MON2: variants seen among roughly 807,000 people sequenced by gnomAD.
MON2 encodes the protein MON2 regulator of endosome-to-Golgi trafficking.
MON2 carries 84 observed loss-of-function variants against 208.6 expected under a neutral mutation model. The ratio of observed to expected loss-of-function variants is 0.40; its 90% CI spans 0.34 to 0.48. The LOEUF (loss-of-function observed/expected upper bound fraction) is 0.48, where lower values mean the gene tolerates loss of function less well. MON2 is among the 20% of genes least tolerant of loss of function. The pLI is 0.59. For synonymous variants in MON2, 660 were observed against 694.0 expected (o/e 0.95, Z 0.77); for missense variants, 1,611 against 2,015.4 (o/e 0.80, Z 3.84).
intron 14 of MON2, among the ~76,000 whole-genome samples, chr12:62,536,278 A>G (rs1367081078): frequency 6.6e-6 from 1 of 152,214 alleles, no homozygotes; most frequent in African/African-American, 2.4e-5. Context: ...CTTAGGTTAA[A>G]CTTACATTCA....
chr12:62,471,907 G>A (rs1395093080), intron 1 of MON2, among the ~76,000 whole-genome samples: 1 of 152,218 alleles, frequency 6.6e-6, no homozygotes, highest in Non-Finnish European at 1.5e-5. Context: ...TGACAAATTT[G>A]ACAGAAGGGA....
chr12:62,540,960 G>T (rs1325626699), intron 19 of MON2, among the ~76,000 whole-genome samples: 1 of 152,200 alleles, frequency 6.6e-6, no homozygotes, highest in Admixed American at 6.5e-5. Flanking sequence ...TTCTGAGTGA[G>T]TTAAATATTC....
chr12:62,565,883 C>A, intron 27 of MON2, 131 bp from the exon 28 acceptor site: 1 of 745,030 alleles, frequency 1.3e-6, no homozygotes, highest in Non-Finnish European at 2.1e-6. Context: ...AAGTAAATTT[C>A]TGAATGCATG....
At chr12:62,504,797 C>A (rs547301150) in intron 7 of MON2, among the ~76,000 whole-genome samples, 1 of 152,168 alleles carries the variant, frequency 6.6e-6, no homozygotes. Flanking sequence ...GTGGCACTTA[C>A]AATTCTAATG....
chr12:62,598,314 T>C lies in MON2; in HGVS notation c.*5565T>C, dbSNP rs1445047303. On this transcript the variant is annotated 3_prime_UTR_variant, in exon 35 of 35. Transcript: ENST00000393630. ...GCGAATGTAGTTACACTAAGTTTTATTTTAAACTAAAATTCAATAAACAGT... is the reference window on the plus strand; with the variant it reads ...GCGAATGTAGTTACACTAAGTTTTACTTTAAACTAAAATTCAATAAACAGT... The C allele has an allele frequency of 1.3e-5, 2 of 152,214 alleles. No homozygotes were observed. Among genetic ancestry groups the C allele is most frequent in the Non-Finnish European group, 2.9e-5 (2 of 68,042 alleles). 9.4% of individuals were successfully genotyped at this position (152,214 alleles called of 1,614,324 possible).
intron 1 of MON2, among the ~76,000 whole-genome samples, chr12:62,483,813 G>T (rs1264354534): frequency 2.0e-5 from 3 of 152,170 alleles, no homozygotes; most frequent in African/African-American, 7.2e-5. Context: ...GGCTTGAAAT[G>T]GGGAAAAGGA....
At chr12:62,574,799 G>C (rs1316491948) in intron 30 of MON2, among the ~76,000 whole-genome samples, 1 of 152,018 alleles carries the variant, frequency 6.6e-6, no homozygotes, top group East Asian at 1.9e-4. Context: ...ATCGTGAGCT[G>C]GTCCTTTCCC....
chr12:62,596,059 A>T lies in MON2; in HGVS notation c.*3310A>T, dbSNP rs1003562414. On this transcript the variant is annotated 3_prime_UTR_variant, in exon 35 of 35. Transcript: ENST00000393630. Reference sequence around the variant, plus strand: ...GTCCTTTCTCAGTATAATTTTAAAGAGCATTTTGTTTTATTGTCACAATTT... The same window carrying T: ...GTCCTTTCTCAGTATAATTTTAAAGTGCATTTTGTTTTATTGTCACAATTT... The T allele has an allele frequency of 2.6e-5, 4 of 152,182 alleles. No individual in the cohort carries two copies. Among genetic ancestry groups the T allele is most frequent in the African/African-American group, 9.7e-5 (4 of 41,448 alleles). The allele number at this position is 152,182 out of a possible 1,614,324, so 9.4% of individuals were successfully genotyped here. A position where few individuals can be genotyped will look rare whatever the true frequency, so the allele number is the denominator to read the frequency against.
At chr12:62,472,179 T>C (rs995574161) in intron 1 of MON2, among the ~76,000 whole-genome samples, 3 of 152,122 alleles carry the variant, frequency 2.0e-5, no homozygotes, top group Non-Finnish European at 4.4e-5. Flanking sequence ...TTGGATTGAC[T>C]GGATGATGAT....
In MON2 at chr12:62,598,840, G is replaced by A. The variant is rs923569189; in HGVS notation, c.*6091G>A. ...AAGCTATATAGTTATAACTGTGATT[G>A]TACAGATTGTTTATTTGTTTTACAG... On this transcript the variant is annotated 3_prime_UTR_variant, in exon 35 of 35. Coordinates refer to ENST00000393630, the MANE Select transcript of MON2 (RefSeq NM_015026.3). 4.6e-5 allele frequency: 7 copies of A among 152,134 alleles called. No homozygotes were observed. The highest frequency in any genetic ancestry group is 3.3e-4 in the Admixed American group (5 of 15,278). The allele number at this position is 152,134 out of a possible 1,614,324, so 9.4% of individuals were successfully genotyped here.
At chr12:62,494,071 C>A in intron 3 of MON2, 29 bp downstream of exon 3, 1 of 1,582,216 alleles carries the variant, frequency 6.3e-7, no homozygotes, top group Non-Finnish European at 8.6e-7. Flanking sequence ...CTAAACTTCA[C>A]CTAAGAGTTG....
At chr12:62,554,741 C>G (rs1417633691) in intron 24 of MON2, among the ~76,000 whole-genome samples, 1 of 152,114 alleles carries the variant, frequency 6.6e-6, no homozygotes, top group African/African-American at 2.4e-5. Context: ...AGCAATCATC[C>G]CCACTTTATG....
intron 2 of MON2, among the ~76,000 whole-genome samples, chr12:62,485,573 T>C (rs1272643086): frequency 6.7e-6 from 1 of 149,214 alleles, no homozygotes; most frequent in Non-Finnish European, 1.5e-5. Context: ...CCCAATAGTT[T>C]TATAACATTA....
intron 11 of MON2, among the ~76,000 whole-genome samples, chr12:62,528,035 TA>T (rs1250626790): frequency 6.6e-6 from 1 of 152,174 alleles, no homozygotes; most frequent in Non-Finnish European, 1.5e-5. Context: ...TTCTCTTCTT[TA>T]AGACAAGATT....
chr12:62,542,585 T>C (rs1424147824), intron 19 of MON2, among the ~76,000 whole-genome samples: 1 of 152,190 alleles, frequency 6.6e-6, no homozygotes, highest in Non-Finnish European at 1.5e-5. Flanking sequence ...CCTGGTTCCC[T>C]TTCTGATTAT....
chr12:62,484,270 A>C (rs775517344), intron 2 of MON2, 37 bp downstream of exon 2: 43 of 1,291,652 alleles, frequency 3.3e-5, no homozygotes, highest in Non-Finnish European at 2.0e-5. Context: ...AATAAACAAA[A>C]ATTTGACTAA....
intron 30 of MON2, among the ~76,000 whole-genome samples, chr12:62,573,464 A>G (rs1324558583): frequency 6.6e-6 from 1 of 150,594 alleles, no homozygotes; most frequent in Non-Finnish European, 1.5e-5. Flanking sequence ...GTGGTGACAC[A>G]CCTGTAATCC....
intron 11 of MON2, 31 bp from the exon 12 acceptor site, chr12:62,532,407 C>A: frequency 6.8e-7 from 1 of 1,466,176 alleles, no homozygotes; most frequent in Non-Finnish European, 9.6e-7. Flanking sequence ...TGTGGCTTCT[C>A]ATTAGTATTC....
At chr12:62,529,399 C>T (rs2072508822) in intron 11 of MON2, among the ~76,000 whole-genome samples, 1 of 151,998 alleles carries the variant, frequency 6.6e-6, no homozygotes, top group African/African-American at 2.4e-5. Context: ...AGTATTTGCT[C>T]AGTGAATGAT....
Sources: gnomAD v4.1 joint callset for allele counts (sites outside exome capture counted in the v4.1 genomes callset) on GRCh38, gnomAD v4.1.1 for gene constraint, MANE v1.5 for transcripts, NCBI Gene and HGNC (gene_info 2026-07-23, HGNC 2026-07-21) for gene names.